Variants in CYRIB observed in about 807,000 individuals in gnomAD.
The protein encoded by CYRIB is CYFIP-related Rac1 interactor B.
Under a neutral mutation model 44.2 loss-of-function variants are expected in CYRIB, and 8 were observed. The observed-to-expected ratio is 0.18, with a 90% CI of 0.11 to 0.33. The LOEUF (loss-of-function observed/expected upper bound fraction) is 0.33, where lower values mean the gene tolerates loss of function less well. Ranked by LOEUF, CYRIB falls within the 10% of genes least tolerant of loss-of-function variation. CYRIB has a pLI of 1.00. For synonymous variants in CYRIB, 131 were observed against 127.2 expected, an observed-to-expected ratio of 1.03 and a Z score of -0.20; for missense variants, 185 against 382.8, an observed-to-expected ratio of 0.48 and a Z score of 4.31.
intron 1 of CYRIB, among the ~76,000 whole-genome samples, chr8:129,907,024 T>C (rs1306989063): frequency 1.3e-5 from 2 of 152,166 alleles, no homozygotes; most frequent in African/African-American, 2.4e-5. Context: ...AGTTCAACCA[T>C]TGTGGAAGAC....
At chr8:129,956,945 C>T (rs1055101236) in intron 2 of CYRIB, among the ~76,000 whole-genome samples, 2 of 151,266 alleles carry the variant, frequency 1.3e-5, no homozygotes, top group Non-Finnish European at 2.9e-5. Context: ...CTCCAGTGAT[C>T]CTCCCACCTC....
At chr8:129,858,626 G>C (rs952675059) in intron 5 of CYRIB, among the ~76,000 whole-genome samples, 2 of 152,152 alleles carry the variant, frequency 1.3e-5, no homozygotes, top group African/African-American at 4.8e-5. Context: ...AGACAACCAA[G>C]AGTCATGACC....
chr8:130,011,589 G>A (rs192057790), intron 1 of CYRIB, among the ~76,000 whole-genome samples: 11 of 152,092 alleles, frequency 7.2e-5, no homozygotes, highest in African/African-American at 2.2e-4. Context: ...AGGCCGAGGC[G>A]GGCGGATCAC....
chr8:129,880,378 T>C, intron 2 of CYRIB: 1 of 985,768 alleles, frequency 1.0e-6, no homozygotes, highest in Non-Finnish European at 1.2e-6. Context: ...AGACTTACTT[T>C]CAAAGTCCAA....
chr8:129,944,937 T>C (rs2094030712), intron 2 of CYRIB, among the ~76,000 whole-genome samples: 1 of 152,230 alleles, frequency 6.6e-6, no homozygotes, highest in Non-Finnish European at 1.5e-5. Flanking sequence ...CATACTGAAA[T>C]ACCTCAGTTT....
Position 129,850,983 on chromosome 8 carries a change from T to C in CYRIB, c.634-69A>G, listed in dbSNP as rs2042971276. 4.9e-6 allele frequency: 5 copies of C among 1,023,146 alleles called. 1 individual carries two copies. The East Asian group carries it at 1.2e-4, about 25-fold the overall frequency. The allele number at this position is 1,023,146 out of a possible 1,614,324, so 63.4% of individuals were successfully genotyped here. Reference sequence around the variant, plus strand: ...GTTATTACTTAAGCACAATTTAAAATTTAGCGTAATATGAAAAATTAGCAA... The same window carrying C: ...GTTATTACTTAAGCACAATTTAAAACTTAGCGTAATATGAAAAATTAGCAA... On this transcript the variant is annotated intron_variant, in intron 8 of 11. Transcript: ENST00000519824.
At position 129,849,139 on chromosome 8, in the gene CYRIB, G is replaced by C. The variant is rs1233379380; in HGVS notation, c.840+104C>G. The C allele has an allele frequency of 5.6e-6, 6 of 1,073,410 alleles. No homozygotes were observed. The African/African-American group carries it at 8.0e-5, about 14-fold the overall frequency. The allele number at this position is 1,073,410 out of a possible 1,614,324, so 66.5% of individuals were successfully genotyped here. On this transcript the variant is annotated intron_variant, in intron 10 of 11. Transcript: ENST00000519824. ...CCACCATTTCACAAACTATAAATCT[G>C]AGTTTTGTGAGAGTCCGGTTTGCTG...
intron 1 of CYRIB, among the ~76,000 whole-genome samples, chr8:130,001,131 C>T (rs936537624): frequency 2.6e-5 from 4 of 152,264 alleles, no homozygotes; most frequent in Admixed American, 6.5e-5. Flanking sequence ...ATCCCATAAA[C>T]GGTTATAGCT....
At chr8:129,846,302 G>A (rs1198908418) in intron 11 of CYRIB, among the ~76,000 whole-genome samples, 3 of 152,030 alleles carry the variant, frequency 2.0e-5, no homozygotes, top group Non-Finnish European at 4.4e-5. Context: ...CTATTAAGAG[G>A]AAAGAGCTAG....
chr8:129,962,406 G>A (rs944058357), intron 2 of CYRIB, among the ~76,000 whole-genome samples: 7 of 152,060 alleles, frequency 4.6e-5, no homozygotes, highest in Non-Finnish European at 1.5e-5. Flanking sequence ...TCATACCACT[G>A]CACACCAACC....
upstream of CYRIB, among the ~76,000 whole-genome samples, chr8:129,941,755 C>A (rs1016007563): frequency 7.2e-5 from 11 of 152,162 alleles, no homozygotes; most frequent in Admixed American, 1.3e-4. Flanking sequence ...GATATGAGCT[C>A]TGAGTAACCA....
chr8:129,904,550 TTC>T, intron 1 of CYRIB: 1 of 152,334 alleles, frequency 6.6e-6, no homozygotes, highest in South Asian at 2.1e-4. Flanking sequence ...GTCCTTCAAC[TTC>T]TGTTTCTTGC....
chr8:129,992,884 A>C (rs2096671618), intron 1 of CYRIB, among the ~76,000 whole-genome samples: 1 of 152,212 alleles, frequency 6.6e-6, no homozygotes, highest in African/African-American at 2.4e-5. Context: ...GACTAAGCGC[A>C]AATTTGGCTC....
chr8:129,888,990 G>A (rs745751993), intron 2 of CYRIB, among the ~76,000 whole-genome samples: 2 of 152,166 alleles, frequency 1.3e-5, no homozygotes, highest in African/African-American at 2.4e-5. Context: ...CTACTCAGGA[G>A]GCTGAGGCAG....
intron 1 of CYRIB, among the ~76,000 whole-genome samples, chr8:129,927,549 C>T (rs780377455): frequency 6.6e-6 from 1 of 152,108 alleles, no homozygotes; most frequent in African/African-American, 2.4e-5. Flanking sequence ...TAGGCAAATA[C>T]GGATATGTCT....
intron 1 of CYRIB, among the ~76,000 whole-genome samples, chr8:129,917,151 A>C (rs997403490): frequency 6.6e-6 from 1 of 152,240 alleles, no homozygotes; most frequent in African/African-American, 2.4e-5. Context: ...TAGGTTCTAG[A>C]AACACCAAAC....
At chr8:129,890,671 T>A (rs1317148955) in intron 2 of CYRIB, 1 of 152,006 alleles carries the variant, frequency 6.6e-6, no homozygotes, top group Non-Finnish European at 1.5e-5. Flanking sequence ...GGTGGGGAGA[T>A]TACTTGAGGT....
intron 4 of CYRIB, among the ~76,000 whole-genome samples, chr8:129,871,115 T>A (rs146730631): frequency 2.0e-5 from 3 of 152,314 alleles, no homozygotes; most frequent in African/African-American, 7.2e-5. Flanking sequence ...ACCACATAAA[T>A]ACTGCAAATT....
In CYRIB at chr8:129,843,602, A is replaced by G. The variant is rs115755064; in HGVS notation, c.912-1397T>C. ...TTTTTTCTAGAGATAAGGTCTGGCT[A>G]TATTACCCCGGTTGGCCTTCAATTC... On this transcript the variant is annotated intron_variant, in intron 11 of 11. Transcript: ENST00000519824. Among the ~76,000 whole-genome samples the G allele has an allele frequency of 2.8e-3, 420 of 152,302 alleles. 1 individual carries two copies. Among genetic ancestry groups the G allele is most frequent in the African/African-American group, 9.5e-3 (395 of 41,556 alleles).
Sources: allele counts gnomAD v4.1 joint callset (sites outside exome capture counted in the v4.1 genomes callset), GRCh38; gene constraint gnomAD v4.1.1; transcripts MANE v1.5; gene names NCBI Gene and HGNC (gene_info 2026-07-23, HGNC 2026-07-21).